PDZD2: variants seen among roughly 807,000 people sequenced by gnomAD.
The protein encoded by PDZD2 is PDZ domain containing 2.
In PDZD2, 90 loss-of-function variants were observed where a neutral mutation model predicts 220.7. That is an observed-to-expected ratio of 0.41 (90% CI 0.34 to 0.49). The LOEUF (loss-of-function observed/expected upper bound fraction) is 0.49. Ranked by LOEUF, PDZD2 falls within the 20% of genes least tolerant of loss-of-function variation. PDZD2 has a pLI of 0.28. For missense variants in PDZD2, 3,174 were observed against 3,608.5 expected (o/e 0.88, Z 3.08); for synonymous variants, 1,375 against 1,450.5 (o/e 0.95, Z 1.18).
chr5:31,781,391 G>A (rs1753054830), intron 1 of PDZD2, among the ~76,000 whole-genome samples: 2 of 152,180 alleles, frequency 1.3e-5, no homozygotes, highest in Admixed American at 1.3e-4. Context: ...TCCAGCCTGG[G>A]CGACAGAGCC....
chr5:31,828,237 T>G (rs1473097081), intron 2 of PDZD2, among the ~76,000 whole-genome samples: 1 of 152,202 alleles, frequency 6.6e-6, no homozygotes, highest in Non-Finnish European at 1.5e-5. Flanking sequence ...ATATAGTAAC[T>G]CTATGTGTAA....
At chr5:32,045,452 T>C (rs1334618485) in intron 7 of PDZD2, among the ~76,000 whole-genome samples, 4 of 151,840 alleles carry the variant, frequency 2.6e-5, no homozygotes, top group Non-Finnish European at 4.4e-5. Context: ...GACGGAATCT[T>C]GCTCTGTTGC....
At chr5:32,069,513 A>G (rs371168778) in intron 14 of PDZD2, 56 bp from the exon 15 acceptor site, 5 of 1,013,002 alleles carry the variant, frequency 4.9e-6, no homozygotes. Context: ...AGGTACTTTC[A>G]TTGGGAGAAA....
intron 7 of PDZD2, among the ~76,000 whole-genome samples, chr5:32,039,518 G>A (rs535756954): frequency 5.9e-5 from 9 of 152,290 alleles, no homozygotes; most frequent in East Asian, 1.9e-4. Context: ...GCCTCTGCCC[G>A]CCCGCCACCC....
chr5:31,908,572 A>T, intron 2 of PDZD2: 2 of 979,892 alleles, frequency 2.0e-6, no homozygotes, highest in South Asian at 2.6e-5. Flanking sequence ...TGATACTGTC[A>T]TGAACCATCA....
chr5:31,859,906 C>T (rs563707706), intron 2 of PDZD2, among the ~76,000 whole-genome samples: 9 of 152,206 alleles, frequency 5.9e-5, no homozygotes, highest in Middle Eastern at 3.4e-3. Flanking sequence ...GCTGGGGCCC[C>T]GGGTAGTTGC....
At chr5:31,666,761 A>G (rs933279670) in intron 1 of PDZD2, among the ~76,000 whole-genome samples, 38 of 152,248 alleles carry the variant, frequency 2.5e-4, no homozygotes, top group Non-Finnish European at 2.9e-4. Flanking sequence ...TGATAAATGC[A>G]GAAACTGAAG....
At chr5:31,644,821 A>G (rs1399978657) in intron 1 of PDZD2, among the ~76,000 whole-genome samples, 3 of 152,230 alleles carry the variant, frequency 2.0e-5, no homozygotes, top group Non-Finnish European at 2.9e-5. Flanking sequence ...GAATGAAACC[A>G]GATAGCATTG....
chr5:31,735,264 C>T (rs528424349), intron 1 of PDZD2, among the ~76,000 whole-genome samples: 2 of 152,290 alleles, frequency 1.3e-5, no homozygotes, highest in African/African-American at 2.4e-5. Context: ...GCACAGCTCA[C>T]GCACTATTTT....
intron 1 of PDZD2, among the ~76,000 whole-genome samples, chr5:31,780,215 G>T (rs576950359): frequency 5.9e-5 from 9 of 152,224 alleles, no homozygotes; most frequent in Non-Finnish European, 1.0e-4. Context: ...GGAGGGGAAG[G>T]CGGCAGGAAA....
intron 2 of PDZD2, among the ~76,000 whole-genome samples, chr5:31,953,499 T>C (rs1310565075): frequency 6.6e-6 from 1 of 152,052 alleles, no homozygotes; most frequent in African/African-American, 2.4e-5. Context: ...ACTAAACCGA[T>C]GTGTGCTAAT....
intron 2 of PDZD2, among the ~76,000 whole-genome samples, chr5:31,900,356 G>A (rs1741964165): frequency 6.6e-6 from 1 of 152,192 alleles, no homozygotes; most frequent in African/African-American, 2.4e-5. Flanking sequence ...TATATAGAAA[G>A]CTATTTACAT....
Position 32,088,381 on chromosome 5 carries a change from C to G in PDZD2, c.4933C>G (p.Pro1645Ala). 1.2e-6 allele frequency: 2 copies of G among 1,613,804 alleles called. No homozygotes were observed. The change falls in exon 20 of 25, where the codon CCC becomes GCC. Residue 1645 changes from proline to alanine, a missense_variant. Physicochemically the swap from Pro to Ala is conservative, Grantham distance 27. Coordinates refer to ENST00000438447, the MANE Select transcript of PDZD2 (RefSeq NM_178140.4). The surrounding 1 kb of genome is among the most constrained non-coding windows in gnomAD (Gnocchi z 4.6). ...CACTCCGAGAGAGTCGGTGGCCAGT[C>G]CCCGTGAGAAGGCCGCCTGCTTGCC... ...YSTPRESVAS[P>A]REKAACLPGS...
intron 1 of PDZD2, among the ~76,000 whole-genome samples, chr5:31,737,315 G>A (rs1247960865): frequency 6.6e-6 from 1 of 151,738 alleles, no homozygotes; most frequent in Non-Finnish European, 1.5e-5. Context: ...TGGGACTACA[G>A]GCGCCCACCA....
chr5:31,794,546 GC>G (rs1753911991), intron 1 of PDZD2, among the ~76,000 whole-genome samples: 1 of 151,498 alleles, frequency 6.6e-6, no homozygotes, highest in African/African-American at 2.4e-5. Context: ...GACTACGGGC[GC>G]CCACCACCAC....
chr5:31,967,063 C>T (rs1018698168), intron 2 of PDZD2, among the ~76,000 whole-genome samples: 16 of 152,128 alleles, frequency 1.1e-4, no homozygotes, highest in African/African-American at 3.6e-4. Flanking sequence ...GAAAAGAAGC[C>T]CACTATTTTG....
chr5:31,888,188 T>C (rs1740693839), intron 2 of PDZD2, among the ~76,000 whole-genome samples: 1 of 152,094 alleles, frequency 6.6e-6, no homozygotes, highest in Admixed American at 6.6e-5. Flanking sequence ...TTCTCTTCTC[T>C]TTTCTCTTTC....
At chr5:32,067,913 A>G (rs1740356514) in intron 14 of PDZD2, among the ~76,000 whole-genome samples, 1 of 152,214 alleles carries the variant, frequency 6.6e-6, no homozygotes, top group Non-Finnish European at 1.5e-5. Flanking sequence ...ATAATAGTCA[A>G]TGATGCCAAA....
At chr5:32,096,067 G>A (rs534597420) in intron 21 of PDZD2, among the ~76,000 whole-genome samples, 13 of 151,898 alleles carry the variant, frequency 8.6e-5, no homozygotes, top group African/African-American at 3.1e-4. Context: ...TTCAAATATT[G>A]TCTCTTTGCT....
Sources: gnomAD v4.1 joint callset for allele counts (sites outside exome capture counted in the v4.1 genomes callset) on GRCh38, gnomAD v4.1.1 for gene constraint, Gnocchi (gnomAD v3.1) non-coding constraint, MANE v1.5 for transcripts, NCBI Gene and HGNC (gene_info 2026-07-23, HGNC 2026-07-21) for gene names.